Variants in GRSF1 observed in about 807,000 individuals in gnomAD.
GRSF1 encodes the protein G-rich RNA sequence binding factor 1.
GRSF1 carries 50 observed loss-of-function variants against 51.1 expected under a neutral mutation model. The ratio of observed to expected loss-of-function variants is 0.98; its 90% CI spans 0.78 to 1.24. The LOEUF is 1.24. Among genes scored for constraint, GRSF1 ranks in the 50% most tolerant of loss-of-function variants. The pLI, the probability that GRSF1 is intolerant of heterozygous loss-of-function variation, is 0.00. For synonymous variants in GRSF1, 293 were observed against 253.3 expected (o/e 1.16, Z -1.49); for missense variants, 700 against 639.7 (o/e 1.09, Z -1.02).
At position 70,826,165 on chromosome 4, in the gene GRSF1, T is replaced by C; in HGVS notation, c.1216A>G (p.Arg406Gly). Residue 406 changes from arginine (R) to glycine (G), a missense_variant, in exon 7 of 10, where the codon AGA becomes GGA. Coordinates refer to ENST00000254799, the MANE Select transcript of GRSF1 (RefSeq NM_002092.4). ...TTSSLHFVHM[R>G]GLPFQANAQD... is the part of the protein sequence containing the mutation. ...GCATTGGCTTGGAAAGGTAATCCTC[T>C]CATGTGGACAAAATGCAGAGAAGAC... 6.2e-7 allele frequency: 1 copy of C among 1,611,296 alleles called. No individual in the cohort carries two copies. The highest frequency in any genetic ancestry group is 8.5e-7 in the Non-Finnish European group (1 of 1,178,438).
chr4:70,828,651 C>T (rs1468169982), intron 5 of GRSF1, among the ~76,000 whole-genome samples: 1 of 152,054 alleles, frequency 6.6e-6, no homozygotes, highest in Admixed American at 6.6e-5. Flanking sequence ...TCACTGCAGC[C>T]TCAACCTCCT....
At chr4:70,829,853 A>G (rs1193923984) in intron 5 of GRSF1, among the ~76,000 whole-genome samples, 1 of 152,096 alleles carries the variant, frequency 6.6e-6, no homozygotes, top group Non-Finnish European at 1.5e-5. Flanking sequence ...ATCCTGAAAC[A>G]CTGGCTTTGG....
chr4:70,815,974 C>G lies in GRSF1; in HGVS notation c.*4913G>C, dbSNP rs553962074. 1 of 152,290 alleles carries G rather than the reference C, an allele frequency of 6.6e-6. No individual in the cohort carries two copies. The highest frequency in any genetic ancestry group is 2.1e-4 in the South Asian group (1 of 4,828). The allele number at this position is 152,290 out of a possible 1,614,324, so 9.4% of individuals were successfully genotyped here. A position where few individuals can be genotyped will look rare whatever the true frequency, so the allele number is the denominator to read the frequency against. On this transcript the variant is annotated 3_prime_UTR_variant, in exon 10 of 10. Coordinates refer to ENST00000254799, the MANE Select transcript of GRSF1 (RefSeq NM_002092.4). ...ATACAAACATGCTGAGTAAAAGGAA[C>G]TTACAGAATACATACTGCATAAGTG...
chr4:70,839,769 C>T lies in GRSF1; in HGVS notation c.59G>A (p.Ser20Asn). 2 of 1,505,864 alleles carry T rather than the reference C, an allele frequency of 1.3e-6. No homozygotes were observed. Among genetic ancestry groups the T allele is most frequent in the Non-Finnish European group, 8.8e-7 (1 of 1,134,492 alleles). The allele number at this position is 1,505,864 out of a possible 1,614,324, so 93.3% of individuals were successfully genotyped here. ...ALLRGCGCNC[S>N]SCRRTGAACL... ...GGCGGCGCCGGTGCGCCGGCAGCTGCTGCAGTTACAGCCGCAGCCCCGGAG... is the reference window on the plus strand; with the variant it reads ...GGCGGCGCCGGTGCGCCGGCAGCTGTTGCAGTTACAGCCGCAGCCCCGGAG... The change falls in exon 1 of 10, where the codon AGC (serine) becomes AAC (asparagine). Residue 20 changes from serine (S) to asparagine (N), a missense_variant. By Grantham distance (46) the Ser-to-Asn change is conservative (BLOSUM62 1). Coordinates refer to ENST00000254799, the MANE Select transcript of GRSF1 (RefSeq NM_002092.4).
At chr4:70,825,946 C>G (rs2148837938) in intron 7 of GRSF1, 178 bp downstream of exon 7, 2 of 572,522 alleles carry the variant, frequency 3.5e-6, no homozygotes, top group East Asian at 6.7e-5. Flanking sequence ...AAAAGTAATA[C>G]CAAGCCACAC....
In GRSF1 at chr4:70,833,271, A is replaced by G. The variant is rs1370404555; in HGVS notation, c.517T>C (p.Cys173Arg). 1 of 1,612,986 alleles carries G rather than the reference A, an allele frequency of 6.2e-7. No homozygotes were observed. The highest frequency in any genetic ancestry group is 1.1e-5 in the South Asian group (1 of 90,776). The change falls in exon 3 of 10, where the codon TGC (cysteine) becomes CGC (arginine). Residue 173 changes from cysteine to arginine, a missense_variant and splice_region_variant. Transcript: ENST00000254799. ...CCATTCTCACCGTTGCGGATTCTGC[A>G]GTCTAAAAGTGTATGAGCAAAATCA... The part of the protein sequence containing the change: ...MEDVLNFFSD[C>R]RIRNGENGIH...
Position 70,826,134 on chromosome 4 carries a change from T to G in GRSF1, c.1247A>C (p.Asp416Ala). 6.2e-7 allele frequency: 1 copy of G among 1,611,236 alleles called. No homozygotes were observed. Among genetic ancestry groups the G allele is most frequent in the Non-Finnish European group, 8.5e-7 (1 of 1,178,432 alleles). ...RGLPFQANAQ[D>A]IINFFAPLKP... Reference sequence around the variant, plus strand: ...CTTACTGCCACACACGTTTATAATGTCTTGGGCATTGGCTTGGAAAGGTAA... The same window carrying G: ...CTTACTGCCACACACGTTTATAATGGCTTGGGCATTGGCTTGGAAAGGTAA... Residue 416 changes from aspartate (D) to alanine (A), a missense_variant, in exon 7 of 10, where the codon GAC becomes GCC. By Grantham distance (126) the Asp-to-Ala change is moderately radical. Transcript: ENST00000254799.
chr4:70,824,098 G>A (rs756971742), intron 9 of GRSF1, among the ~76,000 whole-genome samples, 196 bp downstream of exon 9: 1 of 149,108 alleles, frequency 6.7e-6, no homozygotes, highest in Non-Finnish European at 1.5e-5. Context: ...AGCCTCCTGA[G>A]TAGCTGGAAT....
At chr4:70,832,285 G>A in intron 4 of GRSF1, 22 bp downstream of exon 4, 2 of 1,606,512 alleles carry the variant, frequency 1.2e-6, no homozygotes, top group Middle Eastern at 1.7e-4. Context: ...GAGCTCCCAA[G>A]CATAATACAA....
intron 6 of GRSF1, among the ~76,000 whole-genome samples, chr4:70,826,683 T>C (rs1018543224): frequency 4.6e-5 from 7 of 151,050 alleles, no homozygotes; most frequent in Non-Finnish European, 1.0e-4. Flanking sequence ...CTACAAAAAA[T>C]AAAAATAAAA....
intron 1 of GRSF1, among the ~76,000 whole-genome samples, chr4:70,836,554 A>C (rs970224434): frequency 3.3e-5 from 5 of 152,194 alleles, no homozygotes; most frequent in Non-Finnish European, 5.9e-5. Flanking sequence ...TTGTTTTAAA[A>C]TTCATCAACC....
At chr4:70,830,791 C>G (rs58015155) in intron 5 of GRSF1, among the ~76,000 whole-genome samples, 1 of 151,750 alleles carries the variant, frequency 6.6e-6, no homozygotes, top group South Asian at 2.1e-4. Context: ...CCACCGCACT[C>G]CAGCCTAGGC....
chr4:70,831,145 C>T (rs1032689286), intron 5 of GRSF1, among the ~76,000 whole-genome samples: 4 of 151,968 alleles, frequency 2.6e-5, no homozygotes, highest in African/African-American at 4.8e-5. Context: ...ATCACAAGGT[C>T]GAGAGATCGA....
intron 5 of GRSF1, among the ~76,000 whole-genome samples, chr4:70,829,820 CT>C (rs1733887319): frequency 6.6e-6 from 1 of 151,884 alleles, no homozygotes; most frequent in Admixed American, 6.6e-5. Flanking sequence ...ACCAAAAAAC[CT>C]TTGAACCACT....
At chr4:70,833,392 C>A (rs1734065778) in intron 2 of GRSF1, 119 bp from the exon 3 acceptor site, 1 of 789,706 alleles carries the variant, frequency 1.3e-6, no homozygotes, top group Non-Finnish European at 2.0e-6. Context: ...ATATTCCTTA[C>A]ACAAATCCCC....
chr4:70,834,779 G>A (rs1351906624), intron 2 of GRSF1, among the ~76,000 whole-genome samples: 1 of 152,014 alleles, frequency 6.6e-6, no homozygotes, highest in African/African-American at 2.4e-5. Context: ...GTGCCACCAC[G>A]CCCGGCTAAT....
At chr4:70,841,914 T>TC (rs1238935556), upstream of GRSF1, among the ~76,000 whole-genome samples, 1 of 152,162 alleles carries the variant, frequency 6.6e-6, no homozygotes, top group Non-Finnish European at 1.5e-5. Flanking sequence ...GTGCAAATAC[T>TC]CCATCTTCCA....
rs754114404 is a variant in GRSF1, at chr4:70,817,482, T to C, written c.*3405A>G. The C allele has an allele frequency of 6.6e-6, 1 of 152,162 alleles. No individual in the cohort carries two copies. The highest frequency in any genetic ancestry group is 1.5e-5 in the Non-Finnish European group (1 of 68,034). The allele number at this position is 152,162 out of a possible 1,614,324, so 9.4% of individuals were successfully genotyped here. ...TAGAACTAAAATTCTGGACAGAAAA[T>C]CCAGACACCTCACCAATGATGATAT... On this transcript the variant is annotated 3_prime_UTR_variant, in exon 10 of 10. Coordinates refer to ENST00000254799, the MANE Select transcript of GRSF1 (RefSeq NM_002092.4).
intron 1 of GRSF1, 28 bp from the exon 2 acceptor site, chr4:70,836,342 A>T (rs758667402): frequency 1.3e-6 from 2 of 1,481,520 alleles, no homozygotes; most frequent in Non-Finnish European, 1.8e-6. Flanking sequence ...GAATTGTAAA[A>T]AGAGTTGCAT....
Sources: gnomAD v4.1 joint callset for allele counts (sites outside exome capture counted in the v4.1 genomes callset) on GRCh38, gnomAD v4.1.1 for gene constraint, MANE v1.5 for transcripts, NCBI Gene and HGNC (gene_info 2026-07-23, HGNC 2026-07-21) for gene names.